Variants in CAP2 observed in about 807,000 individuals in gnomAD.
CAP2 encodes cyclase associated actin cytoskeleton regulatory protein 2.
In CAP2, 24 loss-of-function variants were observed where a neutral mutation model predicts 57.7. That is an observed-to-expected ratio of 0.42 (90% CI 0.30 to 0.58). CAP2 has a LOEUF of 0.58. Among genes scored for constraint, CAP2 ranks in the 20% least tolerant of loss-of-function variants. The pLI, the probability that CAP2 is intolerant of heterozygous loss-of-function variation, is 0.22. For missense variants in CAP2, 501 were observed against 590.3 expected (o/e 0.85, Z 1.57); for synonymous variants, 194 against 207.2 (o/e 0.94, Z 0.55).
At chr6:17,409,942 C>T (rs1210854679) in intron 1 of CAP2, among the ~76,000 whole-genome samples, 1 of 152,208 alleles carries the variant, frequency 6.6e-6, no homozygotes, top group Non-Finnish European at 1.5e-5. Context: ...GACTACCACC[C>T]CTTCTAACTA....
Position 17,499,398 on chromosome 6 carries a change from C to CAAAAAAAA in CAP2, c.301-7756_301-7749dup, listed in dbSNP as rs71002217. Among the ~76,000 whole-genome samples the CAAAAAAAA allele has an allele frequency of 7.3e-3, 507 of 69,536 alleles. 13 individuals are homozygous for CAAAAAAAA. The highest frequency in any genetic ancestry group is 0.025 in the African/African-American group (475 of 19,184). 45.6% of individuals were successfully genotyped at this position (69,536 alleles called of 152,430 possible). On this transcript the variant is annotated intron_variant, in intron 4 of 12. Coordinates refer to ENST00000229922, the MANE Select transcript of CAP2 (RefSeq NM_006366.3). Reference sequence around the variant, plus strand: ...TGGGTGACAGAGCAAGACTCCATCTCAAAAAAAAAAAAAAAAAAAAAATTA... The same window carrying CAAAAAAAA: ...TGGGTGACAGAGCAAGACTCCATCTCAAAAAAAAAAAAAAAAAAAAAAAAAAAAAATTA...
intron 12 of CAP2, among the ~76,000 whole-genome samples, chr6:17,556,013 C>T (rs937843457): frequency 6.6e-6 from 1 of 152,222 alleles, no homozygotes; most frequent in Non-Finnish European, 1.5e-5. Flanking sequence ...ACTCTCAGGC[C>T]TCTGTTTCCT....
At chr6:17,489,226 G>A (rs1338137626) in intron 4 of CAP2, among the ~76,000 whole-genome samples, 1 of 152,184 alleles carries the variant, frequency 6.6e-6, no homozygotes, top group Non-Finnish European at 1.5e-5. Flanking sequence ...GAGGTCAGGA[G>A]TTCAAGACCA....
chr6:17,404,464 G>A (rs1482690759), intron 1 of CAP2, among the ~76,000 whole-genome samples: 1 of 152,138 alleles, frequency 6.6e-6, no homozygotes, highest in Non-Finnish European at 1.5e-5. Flanking sequence ...AAATAGCTGG[G>A]CGTGGTGGCG....
intron 9 of CAP2, 40 bp from the exon 10 acceptor site, chr6:17,542,797 A>T: frequency 6.5e-7 from 1 of 1,533,064 alleles, no homozygotes; most frequent in Non-Finnish European, 9.0e-7. Flanking sequence ...TTCTGTTTAT[A>T]TATGCTGATG....
intron 1 of CAP2, among the ~76,000 whole-genome samples, chr6:17,411,231 G>T (rs1263373285): frequency 6.6e-6 from 1 of 152,038 alleles, no homozygotes; most frequent in Non-Finnish European, 1.5e-5. Flanking sequence ...CCATTTTTTG[G>T]CTATTATGAA....
intron 7 of CAP2, among the ~76,000 whole-genome samples, chr6:17,515,308 C>A (rs976916418): frequency 2.6e-5 from 4 of 152,134 alleles, no homozygotes; most frequent in Non-Finnish European, 4.4e-5. Context: ...TCCTTTGCAG[C>A]AACATGGAAG....
chr6:17,394,065 G>C (rs1409716524), intron 1 of CAP2, among the ~76,000 whole-genome samples: 1 of 150,100 alleles, frequency 6.7e-6, no homozygotes, highest in Non-Finnish European at 1.5e-5. Flanking sequence ...AGCTGCCCGG[G>C]GTTGGCGGGC....
chr6:17,444,911 C>T lies in CAP2; in HGVS notation c.223-18085C>T, dbSNP rs116599013. ...GTACCCGCCTCATTCCCTTCATTCT[C>T]GTTGCTCTTTTGTAGTTGAGGAAAG... On this transcript the variant is annotated intron_variant, in intron 3 of 12. Transcript: ENST00000229922. 2.6e-3 allele frequency among the ~76,000 whole-genome samples: 389 copies of T among 151,696 alleles called. 2 individuals carry two copies. The highest frequency in any genetic ancestry group is 8.9e-3 in the African/African-American group (367 of 41,334).
At chr6:17,538,580 A>T (rs2113696888) in intron 7 of CAP2, among the ~76,000 whole-genome samples, 1 of 152,370 alleles carries the variant, frequency 6.6e-6, no homozygotes, top group East Asian at 1.9e-4. Flanking sequence ...AGTGAAAATA[A>T]GAATAACCAT....
chr6:17,398,223 G>A (rs1422064639), intron 1 of CAP2, among the ~76,000 whole-genome samples: 1 of 152,134 alleles, frequency 6.6e-6, no homozygotes, highest in Non-Finnish European at 1.5e-5. Flanking sequence ...TACATCAAAG[G>A]AACATTACTT....
At chr6:17,408,836 A>AT (rs538245455) in intron 1 of CAP2, among the ~76,000 whole-genome samples, 3,703 of 151,004 alleles carry the variant, frequency 0.025, 107 homozygotes, top group African/African-American at 0.07. Flanking sequence ...TGCCCAGCTA[A>AT]TTTTTTGTAT....
intron 1 of CAP2, among the ~76,000 whole-genome samples, chr6:17,397,023 AG>A (rs1343154487): frequency 1.3e-5 from 2 of 152,100 alleles, no homozygotes; most frequent in African/African-American, 4.8e-5. Context: ...AATAGTGTTT[AG>A]GTTTGTTTTT....
At chr6:17,414,888 C>G (rs563702739) in intron 1 of CAP2, among the ~76,000 whole-genome samples, 9 of 152,286 alleles carry the variant, frequency 5.9e-5, no homozygotes, top group Admixed American at 4.6e-4. Flanking sequence ...AAAAGTGTTC[C>G]TGTTTCTCCA....
At chr6:17,524,041 A>C (rs1181196997) in intron 7 of CAP2, among the ~76,000 whole-genome samples, 2 of 145,884 alleles carry the variant, frequency 1.4e-5, no homozygotes, top group East Asian at 4.0e-4. Context: ...GCGCCACTGC[A>C]CTCCAGCCTG....
intron 7 of CAP2, among the ~76,000 whole-genome samples, chr6:17,537,269 C>T (rs1055182758): frequency 1.3e-5 from 2 of 152,070 alleles, no homozygotes; most frequent in Admixed American, 6.6e-5. Context: ...TCACTGCAAC[C>T]TCTGCCTCCC....
rs1759597615 is a variant in CAP2, at chr6:17,426,609, A to G, written c.141A>G (p.Glu47=). The G allele has an allele frequency of 1.2e-6, 2 of 1,613,772 alleles. No homozygotes were observed. Among genetic ancestry groups the G allele is most frequent in the Non-Finnish European group, 1.7e-6 (2 of 1,179,806 alleles). The part of the protein sequence containing the change: ...GVIAGVAPSV[E]AFDKLMDSMV... Reference sequence around the variant, plus strand: ...CCCAAGGTGTGGCACCCTCCGTGGAAGCCTTTGACAAGCTGATGGACAGTA... The same window carrying G: ...CCCAAGGTGTGGCACCCTCCGTGGAGGCCTTTGACAAGCTGATGGACAGTA... The change falls in exon 3 of 13, where the codon GAA becomes GAG. Residue 47 remains glutamate (E), a synonymous_variant. Coordinates refer to ENST00000229922, the MANE Select transcript of CAP2 (RefSeq NM_006366.3).
chr6:17,442,439 T>C (rs369093016), intron 3 of CAP2, among the ~76,000 whole-genome samples: 3 of 152,216 alleles, frequency 2.0e-5, no homozygotes, highest in Admixed American at 1.3e-4. Context: ...GGTGAATTTG[T>C]GAGCATGCCC....
chr6:17,511,885 A>G (rs1479860217), intron 6 of CAP2, among the ~76,000 whole-genome samples: 2 of 152,188 alleles, frequency 1.3e-5, no homozygotes, highest in Admixed American at 1.3e-4. Flanking sequence ...AAAACTGAAG[A>G]TAGGTTTGCA....
Sources: gnomAD v4.1 joint callset for allele counts (sites outside exome capture counted in the v4.1 genomes callset) on GRCh38, gnomAD v4.1.1 for gene constraint, MANE v1.5 for transcripts, NCBI Gene and HGNC (gene_info 2026-07-23, HGNC 2026-07-21) for gene names.